Variants in PLCG2 observed in about 807,000 individuals in gnomAD.
PLCG2 encodes the protein phospholipase C gamma 2.
A neutral mutation model predicts 175.6 loss-of-function variants in PLCG2; 69 were observed. The ratio of observed to expected loss-of-function variants is 0.39; its 90% CI spans 0.32 to 0.48. PLCG2 has a LOEUF of 0.48. PLCG2 is among the 20% of genes least tolerant of loss of function. PLCG2 has a pLI of 0.91. For missense variants in PLCG2, 1,798 were observed against 1,650.9 expected (o/e 1.09, Z -1.54); for synonymous variants, 827 against 624.0 (o/e 1.33, Z -4.85).
intron 2 of PLCG2, among the ~76,000 whole-genome samples, chr16:81,853,258 G>A (rs1906510686): frequency 6.6e-6 from 1 of 151,970 alleles, no homozygotes; most frequent in Non-Finnish European, 1.5e-5. Flanking sequence ...TTGAACCTGG[G>A]AGGCAGACGT....
At chr16:81,946,747 C>T (rs776018120) in intron 31 of PLCG2, among the ~76,000 whole-genome samples, 3 of 152,186 alleles carry the variant, frequency 2.0e-5, no homozygotes, top group Non-Finnish European at 2.9e-5. Flanking sequence ...TAGGTGAGTA[C>T]CTTTTTCCTC....
intron 2 of PLCG2, among the ~76,000 whole-genome samples, chr16:81,838,203 C>G (rs957777033): frequency 1.1e-4 from 17 of 152,016 alleles, no homozygotes; most frequent in African/African-American, 3.1e-4. Flanking sequence ...CTCAACCTCC[C>G]AGCTTCCCAA....
intron 2 of PLCG2, among the ~76,000 whole-genome samples, chr16:81,819,247 C>G (rs2143328655): frequency 6.6e-6 from 1 of 152,230 alleles, no homozygotes; most frequent in Admixed American, 6.5e-5. Flanking sequence ...TGTGTTCTTT[C>G]CAGAGTCAGA....
chr16:81,877,549 G>A (rs1270510236), intron 7 of PLCG2, among the ~76,000 whole-genome samples: 1 of 152,222 alleles, frequency 6.6e-6, no homozygotes, highest in East Asian at 1.9e-4. Context: ...CACACCCCTC[G>A]GAAGGCTCCA....
At chr16:81,862,649 C>T (rs781015113) in intron 5 of PLCG2, among the ~76,000 whole-genome samples, 6 of 152,042 alleles carry the variant, frequency 3.9e-5, no homozygotes, top group Non-Finnish European at 5.9e-5. Flanking sequence ...GCGGGTGGAT[C>T]GCTTGAGCTC....
At chr16:81,791,582 T>C (rs1417131920) in intron 2 of PLCG2, among the ~76,000 whole-genome samples, 1 of 152,178 alleles carries the variant, frequency 6.6e-6, no homozygotes, top group Non-Finnish European at 1.5e-5. Flanking sequence ...TGTTTGTTTG[T>C]TTTTCAGACG....
At position 81,794,936 on chromosome 16, in the gene PLCG2, C is replaced by A. The variant is rs72834740; in HGVS notation, c.193+8754C>A. ...GAAAAGTAGAGTTGACATTTTTATT[C>A]TTGATGGTGCTATAGCCCTTCTCTT... is the stretch of plus-strand genomic sequence containing the variant. On this transcript the variant is annotated intron_variant, in intron 2 of 32. Transcript: ENST00000564138. Among the ~76,000 whole-genome samples, 1,389 of 152,328 alleles carry A rather than the reference C, an allele frequency of 9.1e-3. 5 individuals are homozygous for A. The highest frequency in any genetic ancestry group is 0.014 in the Non-Finnish European group (974 of 68,028).
At chr16:81,922,506 C>G (rs1190007775) in intron 21 of PLCG2, among the ~76,000 whole-genome samples, 2 of 152,228 alleles carry the variant, frequency 1.3e-5, no homozygotes, top group Non-Finnish European at 2.9e-5. Flanking sequence ...TACACATGAT[C>G]TCATTTAGTA....
intron 1 of PLCG2, among the ~76,000 whole-genome samples, chr16:81,780,843 A>T (rs1910696896): frequency 6.6e-6 from 1 of 152,180 alleles, no homozygotes; most frequent in Non-Finnish European, 1.5e-5. Context: ...CCTCACCAAC[A>T]TGGTGAAACC....
chr16:81,807,566 C>A (rs879905780), intron 2 of PLCG2, among the ~76,000 whole-genome samples: 2 of 152,210 alleles, frequency 1.3e-5, no homozygotes, highest in South Asian at 2.1e-4. Context: ...GCTCTAAGAG[C>A]TTTCCCTGTA....
intron 19 of PLCG2, among the ~76,000 whole-genome samples, chr16:81,918,056 T>C (rs1399238132): frequency 6.6e-6 from 1 of 152,230 alleles, no homozygotes; most frequent in African/African-American, 2.4e-5. Context: ...ATTTATTTTC[T>C]TACTATTGAG....
At chr16:81,758,803 G>C (rs1175518642) in intron 2 of PLCG2, among the ~76,000 whole-genome samples, 3 of 151,646 alleles carry the variant, frequency 2.0e-5, no homozygotes, top group South Asian at 2.1e-4. Context: ...TCAGCCTCCC[G>C]AGTAGCTGGG....
intron 7 of PLCG2, among the ~76,000 whole-genome samples, chr16:81,876,094 T>C (rs1023316889): frequency 1.4e-5 from 2 of 145,684 alleles, no homozygotes; most frequent in Non-Finnish European, 1.5e-5. Context: ...GGTACAATCA[T>C]GGCTCACTGC....
At chr16:81,851,872 G>C (rs1236957673) in intron 2 of PLCG2, among the ~76,000 whole-genome samples, 1 of 152,202 alleles carries the variant, frequency 6.6e-6, no homozygotes, top group Non-Finnish European at 1.5e-5. Flanking sequence ...CCCACGGTAA[G>C]AACTCAGAAA....
intron 1 of PLCG2, among the ~76,000 whole-genome samples, chr16:81,750,310 C>T (rs1007382998): frequency 5.9e-5 from 9 of 151,444 alleles, no homozygotes; most frequent in Admixed American, 4.6e-4. Context: ...ATCCTAGCTA[C>T]TCAGGAGGTT....
rs1161762860 is a variant in PLCG2 at position 81,960,167 on chromosome 16, C to G, written c.*2169C>G. 1 of 220,546 alleles carries G rather than the reference C, an allele frequency of 4.5e-6. No homozygotes were observed. The highest frequency in any genetic ancestry group is 9.1e-6 in the Non-Finnish European group (1 of 110,264). 13.7% of individuals were successfully genotyped at this position (220,546 alleles called of 1,614,324 possible). ...AGAGAGTACTTTCTTCGGTTCTTTC[C>G]TCCTGTCCTTGACAGAGTAACACGT... On this transcript the variant is annotated 3_prime_UTR_variant, in exon 33 of 33. Coordinates refer to ENST00000564138, the MANE Select transcript of PLCG2 (RefSeq NM_002661.5).
intron 2 of PLCG2, among the ~76,000 whole-genome samples, chr16:81,850,302 G>A (rs1597353846): frequency 6.6e-6 from 1 of 152,264 alleles, no homozygotes; most frequent in East Asian, 1.9e-4. Flanking sequence ...GTATTTTGGG[G>A]TGCAACATCA....
chr16:81,825,283 A>ATTTT (rs577002663), intron 2 of PLCG2, among the ~76,000 whole-genome samples: 13 of 115,894 alleles, frequency 1.1e-4, no homozygotes, highest in African/African-American at 2.4e-4. Context: ...AGATGCTCTA[A>ATTTT]TTTTTTTTTT....
intron 31 of PLCG2, among the ~76,000 whole-genome samples, 156 bp from the exon 32 acceptor site, chr16:81,956,539 C>T (rs1158366379): frequency 6.6e-6 from 1 of 152,180 alleles, no homozygotes; most frequent in Admixed American, 6.5e-5. Context: ...TTTTATCTTT[C>T]TTTGGTTAAA....
Sources: allele counts gnomAD v4.1 joint callset (sites outside exome capture counted in the v4.1 genomes callset), GRCh38; gene constraint gnomAD v4.1.1; transcripts MANE v1.5; gene names NCBI Gene and HGNC (gene_info 2026-07-23, HGNC 2026-07-21).